ARHGEF10L: variants seen among roughly 807,000 people sequenced by gnomAD.
ARHGEF10L encodes the protein rho guanine nucleotide exchange factor 10-like protein.
A neutral mutation model predicts 141.2 loss-of-function variants in ARHGEF10L; 69 were observed. That is an observed-to-expected ratio of 0.49 (90% CI 0.40 to 0.60). The LOEUF is 0.60. ARHGEF10L is among the 20% of genes least tolerant of loss of function. ARHGEF10L has a pLI of 0.00. For missense variants in ARHGEF10L, 1,482 were observed against 1,734.3 expected, an observed-to-expected ratio of 0.85 and a Z score of 2.58; for synonymous variants, 711 against 718.5, an observed-to-expected ratio of 0.99 and a Z score of 0.17.
rs192355611 is a variant in ARHGEF10L at position 17,568,896 on chromosome 1, C to T, written c.-43-11657C>T. Among the ~76,000 whole-genome samples, 357 of 152,238 alleles carry T rather than the reference C, an allele frequency of 2.3e-3. 2 individuals carry two copies. The highest frequency in any genetic ancestry group is 7.9e-3 in the African/African-American group (327 of 41,528). On this transcript the variant is annotated intron_variant, in intron 1 of 28. Coordinates refer to ENST00000361221, the MANE Select transcript of ARHGEF10L (RefSeq NM_018125.4). Reference sequence around the variant, plus strand: ...GAAGCCATCCCTCCCTGCTCTCCCTCCCCCAACACCTCCAGCCCAGTCTTC... The same window carrying T: ...GAAGCCATCCCTCCCTGCTCTCCCTTCCCCAACACCTCCAGCCCAGTCTTC...
At chr1:17,647,746 C>T (rs1302082295) in intron 21 of ARHGEF10L, among the ~76,000 whole-genome samples, 1 of 151,888 alleles carries the variant, frequency 6.6e-6, no homozygotes, top group East Asian at 1.9e-4. Flanking sequence ...AGAGTGATTC[C>T]TGAGAGAAGG....
intron 4 of ARHGEF10L, among the ~76,000 whole-genome samples, chr1:17,599,381 C>T (rs1012016876): frequency 9.2e-5 from 14 of 151,438 alleles, no homozygotes; most frequent in African/African-American, 3.4e-4. Context: ...ACATGTAAAG[C>T]AGAGCAAGCA....
At chr1:17,675,235 A>G (rs1001337760) in intron 26 of ARHGEF10L, among the ~76,000 whole-genome samples, 1 of 152,042 alleles carries the variant, frequency 6.6e-6, no homozygotes, top group Non-Finnish European at 1.5e-5. Context: ...AAACAGAACC[A>G]CCCTTCCCTG....
intron 4 of ARHGEF10L, among the ~76,000 whole-genome samples, chr1:17,592,339 G>A (rs1039004452): frequency 2.0e-5 from 3 of 152,188 alleles, no homozygotes; most frequent in African/African-American, 7.2e-5. Flanking sequence ...TCCTGGCCCT[G>A]GTCGCAGGGA....
chr1:17,645,059 C>T (rs2061518195), intron 21 of ARHGEF10L, among the ~76,000 whole-genome samples: 1 of 152,098 alleles, frequency 6.6e-6, no homozygotes, highest in African/African-American at 2.4e-5. Flanking sequence ...GGATCTGCAA[C>T]CCTGGAGCTG....
chr1:17,683,880 G>C (rs2064345357), intron 26 of ARHGEF10L, among the ~76,000 whole-genome samples: 1 of 152,192 alleles, frequency 6.6e-6, no homozygotes, highest in African/African-American at 2.4e-5. Flanking sequence ...GCTTTCCTTG[G>C]TCCCAGGCCT....
chr1:17,531,267 T>C, the ARHGEF10L span, among the ~76,000 whole-genome samples: 1 of 152,192 alleles, frequency 6.6e-6, no homozygotes, highest in Non-Finnish European at 1.5e-5. Context: ...TCCGGGCCTC[T>C]TTCACGTCCC....
At chr1:17,672,033 G>T (rs958082684) in intron 26 of ARHGEF10L, among the ~76,000 whole-genome samples, 1 of 152,130 alleles carries the variant, frequency 6.6e-6, no homozygotes, top group Non-Finnish European at 1.5e-5. Context: ...TTCCTGAAGC[G>T]CGTGCGGTCA....
chr1:17,625,826 G>A lies in ARHGEF10L; in HGVS notation c.1318-130G>A, dbSNP rs533039764. 5.9e-5 allele frequency: 45 copies of A among 758,906 alleles called. No homozygotes were observed. The East Asian group carries it at 1.1e-3, about 19-fold the overall frequency. 47.0% of individuals were successfully genotyped at this position (758,906 alleles called of 1,614,324 possible). On this transcript the variant is annotated intron_variant, in intron 13 of 28. Transcript: ENST00000361221. The surrounding 1 kb of genome is among the most constrained non-coding windows in gnomAD (Gnocchi z 4.5). Reference sequence around the variant, plus strand: ...CCACGGACCTCTCTCAGCTCTTCTTGCAAGCCCAGGGATAGGCAGGGTCTT... The same window carrying A: ...CCACGGACCTCTCTCAGCTCTTCTTACAAGCCCAGGGATAGGCAGGGTCTT...
At chr1:17,690,210 G>C (rs2102545222) in intron 27 of ARHGEF10L, among the ~76,000 whole-genome samples, 1 of 152,286 alleles carries the variant, frequency 6.6e-6, no homozygotes, top group East Asian at 1.9e-4. Context: ...TATAACAAAG[G>C]GCTGAGATTT....
At chr1:17,557,853 G>A (rs193009497) in intron 1 of ARHGEF10L, among the ~76,000 whole-genome samples, 2 of 152,312 alleles carry the variant, frequency 1.3e-5, no homozygotes, top group Admixed American at 1.3e-4. Context: ...GAAACACGTA[G>A]CAAGGAAATG....
chr1:17,589,367 G>C (rs2079336412), intron 4 of ARHGEF10L, among the ~76,000 whole-genome samples: 1 of 152,180 alleles, frequency 6.6e-6, no homozygotes, highest in African/African-American at 2.4e-5. Context: ...CAGTGGAGGG[G>C]TCTAGGCTCC....
intron 1 of ARHGEF10L, among the ~76,000 whole-genome samples, chr1:17,566,913 G>A (rs114140762): frequency 0.024 from 3,677 of 152,236 alleles, 145 homozygotes; most frequent in African/African-American, 0.082. Context: ...TGGCTTTTCT[G>A]TCACCCTCTC....
At position 17,558,172 on chromosome 1, in the gene ARHGEF10L, T is replaced by C. The variant is rs7546895; in HGVS notation, c.-44+18222T>C. Among the ~76,000 whole-genome samples the C allele has an allele frequency of 2.0e-3, 308 of 152,056 alleles. 1 individual carries two copies. The highest frequency in any genetic ancestry group is 7.1e-3 in the African/African-American group (294 of 41,472). Reference sequence around the variant, plus strand: ...ATTTATCCATCCATCCATCTATGCATCCATCCATCCATCCACCCATCCATC... The same window carrying C: ...ATTTATCCATCCATCCATCTATGCACCCATCCATCCATCCACCCATCCATC... On this transcript the variant is annotated intron_variant, in intron 1 of 28. Transcript: ENST00000361221. This position sits in a 1 kb window ranked among gnomAD's most constrained non-coding sequence, Gnocchi z 4.2.
chr1:17,515,034 G>C, the ARHGEF10L span, among the ~76,000 whole-genome samples: 1 of 152,188 alleles, frequency 6.6e-6, no homozygotes, highest in Non-Finnish European at 1.5e-5. Flanking sequence ...ACACCCTCTT[G>C]ATAGCACCAA....
upstream of ARHGEF10L, among the ~76,000 whole-genome samples, chr1:17,534,882 C>A (rs926008823): frequency 1.3e-5 from 2 of 152,082 alleles, no homozygotes; most frequent in Non-Finnish European, 2.9e-5. Context: ...AGCCACCATG[C>A]CGGGCCACTT....
intron 26 of ARHGEF10L, among the ~76,000 whole-genome samples, chr1:17,678,892 G>A (rs765449195): frequency 3.9e-5 from 6 of 152,170 alleles, no homozygotes; most frequent in Non-Finnish European, 7.3e-5. Flanking sequence ...TGTAGGAATT[G>A]TTAACTTTTT....
rs1029020865 is a variant in ARHGEF10L, at chr1:17,638,805, G to A, written c.2171+116G>A. On this transcript the variant is annotated intron_variant, in intron 20 of 28. Transcript: ENST00000361221. ...TATTTGTCGAGATGCCATGGTGGGA[G>A]TGGATATGTAGGCATCGTGGGCCAT... 5 of 1,481,474 alleles carry A rather than the reference G, an allele frequency of 3.4e-6. No homozygotes were observed. In the African/African-American group the frequency reaches 4.2e-5, roughly 12 times the overall value. The allele number at this position is 1,481,474 out of a possible 1,614,324, so 91.8% of individuals were successfully genotyped here.
intron 4 of ARHGEF10L, 44 bp from the exon 5 acceptor site, chr1:17,602,083 G>T: frequency 6.8e-7 from 1 of 1,468,838 alleles, no homozygotes; most frequent in South Asian, 1.4e-5. Context: ...AGGCTTCTGG[G>T]AGCCACCTCT....
Sources: gnomAD v4.1 joint callset for allele counts (sites outside exome capture counted in the v4.1 genomes callset) on GRCh38, gnomAD v4.1.1 for gene constraint, Gnocchi (gnomAD v3.1) non-coding constraint, MANE v1.5 for transcripts, NCBI Gene and HGNC (gene_info 2026-07-23, HGNC 2026-07-21) for gene names.